The following SUMF1 variants were observed in gnomAD, a reference collection of about 807,000 sequenced individuals.
SUMF1 encodes sulfatase modifying factor 1.
SUMF1 carries 48 observed loss-of-function variants against 47.6 expected under a neutral mutation model. The ratio of observed to expected loss-of-function variants is 1.01; its 90% CI spans 0.80 to 1.28. The LOEUF is 1.28. Among genes scored for constraint, SUMF1 ranks in the 50% most tolerant of loss-of-function variants. SUMF1 has a pLI of 0.00. For missense variants in SUMF1, 571 were observed against 485.4 expected (o/e 1.18, Z -1.66); for synonymous variants, 230 against 192.1 (o/e 1.20, Z -1.63).
At chr3:4,200,174 AT>A (rs35851983) in intron 8 of SUMF1, among the ~76,000 whole-genome samples, 342 of 125,868 alleles carry the variant, frequency 2.7e-3, no homozygotes, top group Admixed American at 8.2e-3. Context: ...AAGCATCAAG[AT>A]TTTTTTTTTT....
At chr3:4,099,229 C>T (rs1181712683) in intron 8 of SUMF1, among the ~76,000 whole-genome samples, 1 of 152,030 alleles carries the variant, frequency 6.6e-6, no homozygotes, top group Non-Finnish European at 1.5e-5. Context: ...CCACTCCGTA[C>T]ACCAGCAAGA....
At chr3:4,429,480 G>A (rs1312723376) in intron 3 of SUMF1, among the ~76,000 whole-genome samples, 1 of 152,352 alleles carries the variant, frequency 6.6e-6, no homozygotes, top group East Asian at 1.9e-4. Context: ...AGGTCAAAGA[G>A]AAGACAGAAC....
chr3:4,180,189 A>G (rs1386489967), intron 8 of SUMF1, among the ~76,000 whole-genome samples: 2 of 152,224 alleles, frequency 1.3e-5, no homozygotes. Context: ...CAATCCCATT[A>G]CTGGGTACAT....
intron 8 of SUMF1, among the ~76,000 whole-genome samples, chr3:4,166,820 G>C (rs1694717776): frequency 6.6e-6 from 1 of 152,088 alleles, no homozygotes; most frequent in African/African-American, 2.4e-5. Context: ...GCTCAGTCCA[G>C]AAGTATAGGA....
intron 8 of SUMF1, among the ~76,000 whole-genome samples, chr3:4,367,316 C>T (rs1328420031): frequency 3.9e-5 from 6 of 152,172 alleles, no homozygotes; most frequent in Non-Finnish European, 8.8e-5. Context: ...TGTGCCCTGC[C>T]CCCAGAGGTG....
At chr3:4,350,332 C>CGT (rs10674918) in intron 8 of SUMF1, among the ~76,000 whole-genome samples, 20,629 of 146,206 alleles carry the variant, frequency 0.14, 2,276 homozygotes, top group African/African-American at 0.31. Context: ...TGTGTATATG[C>CGT]GTGTGTGTGT....
At chr3:4,040,003 C>T (rs189161141) in intron 9 of SUMF1, among the ~76,000 whole-genome samples, 7 of 152,126 alleles carry the variant, frequency 4.6e-5, no homozygotes, top group Non-Finnish European at 8.8e-5. Flanking sequence ...ACATGGGCAA[C>T]AGAGACCTGT....
intron 9 of SUMF1, among the ~76,000 whole-genome samples, chr3:4,065,344 G>A (rs538090859): frequency 1.2e-4 from 19 of 152,156 alleles, no homozygotes; most frequent in African/African-American, 4.6e-4. Flanking sequence ...AAAACCAAAG[G>A]CCTAGAGCCT....
intron 8 of SUMF1, among the ~76,000 whole-genome samples, chr3:4,269,580 C>G (rs1697265207): frequency 6.6e-6 from 1 of 152,112 alleles, no homozygotes; most frequent in South Asian, 2.1e-4. Flanking sequence ...TAAGGCAGCA[C>G]TACAGGACAG....
At chr3:4,240,810 TTA>T (rs1156569060) in intron 8 of SUMF1, among the ~76,000 whole-genome samples, 1 of 151,842 alleles carries the variant, frequency 6.6e-6, no homozygotes, top group African/African-American at 2.4e-5. Context: ...TATTTTATTT[TTA>T]TATGTTTTTA....
At chr3:4,036,551 CAGG>C (rs1694799912) in intron 9 of SUMF1, among the ~76,000 whole-genome samples, 1 of 151,132 alleles carries the variant, frequency 6.6e-6, no homozygotes, top group African/African-American at 2.4e-5. Flanking sequence ...AAGGCTGCTG[CAGG>C]AGGAGTTTTC....
intron 3 of SUMF1, among the ~76,000 whole-genome samples, chr3:4,440,243 CA>C (rs758476250): frequency 0.026 from 800 of 30,592 alleles, 5 homozygotes; most frequent in African/African-American, 0.074. Context: ...GACTCTGTCT[CA>C]AAAAAAAAAA....
At chr3:4,085,513 A>G (rs1355397259) in intron 8 of SUMF1, among the ~76,000 whole-genome samples, 9 of 152,240 alleles carry the variant, frequency 5.9e-5, no homozygotes, top group African/African-American at 1.9e-4. Context: ...TCAAATTATT[A>G]GCCTGCAAGA....
At chr3:4,138,576 G>A (rs1189521940) in intron 8 of SUMF1, among the ~76,000 whole-genome samples, 1 of 152,092 alleles carries the variant, frequency 6.6e-6, no homozygotes, top group Non-Finnish European at 1.5e-5. Context: ...AAAGCTCAGT[G>A]AGCTTCCCTA....
chr3:4,072,091 T>C (rs116637117), intron 8 of SUMF1, among the ~76,000 whole-genome samples: 6,303 of 152,038 alleles, frequency 0.041, 402 homozygotes, highest in East Asian at 0.19. Flanking sequence ...TTTTCCAGAG[T>C]AAGGATCAGG....
At chr3:4,059,883 G>A (rs995322520) in intron 9 of SUMF1, among the ~76,000 whole-genome samples, 1 of 151,950 alleles carries the variant, frequency 6.6e-6, no homozygotes, top group Non-Finnish European at 1.5e-5. Flanking sequence ...GCTGGATAAG[G>A]AGAATAAAAA....
chr3:4,106,895 C>A lies in SUMF1; in HGVS notation c.1015-38150G>T, dbSNP rs143052257. On this transcript the variant is annotated intron_variant and NMD_transcript_variant, in intron 8 of 12. Coordinates refer to the SUMF1 transcript ENST00000448413. ...AATCCTCATAATAAAGCTATACCATCAGGTAAAATAAACTATATTTTTCCA... is the reference window on the plus strand; with the variant it reads ...AATCCTCATAATAAAGCTATACCATAAGGTAAAATAAACTATATTTTTCCA... 2.5e-3 allele frequency among the ~76,000 whole-genome samples: 384 copies of A among 152,182 alleles called. 8 individuals are homozygous for A. The highest frequency in any genetic ancestry group is 0.014 in the Middle Eastern group (4 of 294).
intron 9 of SUMF1, among the ~76,000 whole-genome samples, chr3:4,062,544 G>A (rs934309538): frequency 3.9e-5 from 6 of 152,130 alleles, no homozygotes; most frequent in Non-Finnish European, 7.4e-5. Context: ...GTATAGGTTT[G>A]AAGAAGAAAA....
At chr3:4,175,448 C>T (rs557729037) in intron 8 of SUMF1, among the ~76,000 whole-genome samples, 2 of 152,158 alleles carry the variant, frequency 1.3e-5, no homozygotes, top group Non-Finnish European at 2.9e-5. Context: ...GCTGAGGGAC[C>T]TGACTGTTAG....
Sources: allele counts gnomAD v4.1 joint callset (sites outside exome capture counted in the v4.1 genomes callset), GRCh38; gene constraint gnomAD v4.1.1; transcripts MANE v1.5; gene names NCBI Gene and HGNC (gene_info 2026-07-23, HGNC 2026-07-21).